ERICH1: variants seen among roughly 807,000 people sequenced by gnomAD.
ERICH1 encodes glutamate-rich protein 1.
Under a neutral mutation model 39.6 loss-of-function variants are expected in ERICH1, and 56 were observed. The observed-to-expected ratio is 1.41, with a 90% CI of 1.14 to 1.77. The LOEUF is 1.77. Ranked by LOEUF, ERICH1 falls within the 40% of genes most tolerant of loss-of-function variation. The probability of loss-of-function intolerance (pLI) is 0.00; values close to 1 mark genes in which losing one functional copy is unlikely to be tolerated. For synonymous variants in ERICH1, 313 were observed against 223.6 expected, an observed-to-expected ratio of 1.40 and a Z score of -3.57; for missense variants, 826 against 575.4, an observed-to-expected ratio of 1.44 and a Z score of -4.45.
At chr8:727,883 G>A (rs553600253) in intron 1 of ERICH1, among the ~76,000 whole-genome samples, 2 of 152,332 alleles carry the variant, frequency 1.3e-5, no homozygotes, top group Admixed American at 1.3e-4. Context: ...GAATGCAGGG[G>A]GCACTGTGGG....
At chr8:651,928 C>CT (rs1263116057) in intron 3 of ERICH1, among the ~76,000 whole-genome samples, 1 of 152,160 alleles carries the variant, frequency 6.6e-6, no homozygotes, top group Non-Finnish European at 1.5e-5. Context: ...TCACAGAATG[C>CT]TTGGTAATAA....
intron 2 of ERICH1, among the ~76,000 whole-genome samples, chr8:697,485 G>C (rs1244612372): frequency 6.6e-6 from 1 of 152,178 alleles, no homozygotes; most frequent in African/African-American, 2.4e-5. Context: ...AAAGAAGCTT[G>C]GCTCAGACTC....
chr8:684,013 CAT>C (rs1806749179), intron 3 of ERICH1, among the ~76,000 whole-genome samples: 1 of 152,176 alleles, frequency 6.6e-6, no homozygotes, highest in African/African-American at 2.4e-5. Context: ...TTCATGTTTA[CAT>C]GTTTGAGTCT....
At chr8:708,108 G>A (rs1179767028) in intron 2 of ERICH1, among the ~76,000 whole-genome samples, 1 of 148,386 alleles carries the variant, frequency 6.7e-6, no homozygotes, top group Non-Finnish European at 1.5e-5. Flanking sequence ...CTCCTAGGGT[G>A]GCTATTATCT....
chr8:691,382 T>C (rs1808871794), intron 3 of ERICH1, among the ~76,000 whole-genome samples: 1 of 152,250 alleles, frequency 6.6e-6, no homozygotes. Flanking sequence ...TGTTGGCTCA[T>C]GGCCAAGCGA....
At chr8:728,557 G>C (rs1169164169) in intron 1 of ERICH1, among the ~76,000 whole-genome samples, 2 of 152,154 alleles carry the variant, frequency 1.3e-5, no homozygotes, top group African/African-American at 4.8e-5. Context: ...TACCCTATAT[G>C]CCAGAAACAG....
intron 3 of ERICH1, among the ~76,000 whole-genome samples, chr8:643,434 T>C (rs1669714): frequency 0.38 from 57,838 of 151,988 alleles, 11,195 homozygotes; most frequent in South Asian, 0.46. Flanking sequence ...CATGGGATGC[T>C]CCATCCAGGG....
intron 2 of ERICH1, among the ~76,000 whole-genome samples, chr8:706,621 C>G (rs558398656): frequency 4.0e-5 from 6 of 151,828 alleles, no homozygotes; most frequent in African/African-American, 1.4e-4. Flanking sequence ...TAAAAAAATA[C>G]AAAAAAAATT....
chr8:707,456 C>A (rs1813571320), intron 2 of ERICH1, among the ~76,000 whole-genome samples: 1 of 152,122 alleles, frequency 6.6e-6, no homozygotes, highest in East Asian at 1.9e-4. Flanking sequence ...GATCCATCCA[C>A]CTCAGCCTCC....
chr8:699,839 GCGCACAGACCCGCACACGCGCACAGACC>G (rs1811385305), intron 2 of ERICH1, among the ~76,000 whole-genome samples: 1 of 105,228 alleles, frequency 9.5e-6, no homozygotes, highest in Admixed American at 1.1e-4. Flanking sequence ...ACCCGCACAG[GCGCACAGACCCGCACACGCGCACAGACC>G]CTCACAGGCG....
At chr8:724,834 T>C (rs1179053100) in intron 1 of ERICH1, among the ~76,000 whole-genome samples, 1 of 152,210 alleles carries the variant, frequency 6.6e-6, no homozygotes, top group Non-Finnish European at 1.5e-5. Context: ...TGAGGAACGC[T>C]ATCAAAGATG....
At chr8:711,475 T>G (rs1352538307) in intron 2 of ERICH1, among the ~76,000 whole-genome samples, 1 of 152,274 alleles carries the variant, frequency 6.6e-6, no homozygotes, top group African/African-American at 2.4e-5. Context: ...GTTTATAGTT[T>G]TGCATTTTAC....
At chr8:704,566 A>C (rs775361661) in intron 2 of ERICH1, among the ~76,000 whole-genome samples, 1 of 152,242 alleles carries the variant, frequency 6.6e-6, no homozygotes, top group Non-Finnish European at 1.5e-5. Context: ...TATGTGACTC[A>C]GCAAGAAACG....
In ERICH1 at chr8:730,433, C is replaced by G. The variant is rs368173267; in HGVS notation, c.22+707G>C. On this transcript the variant is annotated intron_variant, in intron 1 of 5. Coordinates refer to ENST00000262109, the MANE Select transcript of ERICH1 (RefSeq NM_207332.3). ...AAAATTCATCAGCGCCTGAATTAATCCAAGTAACACGAGATTCATGTCAAA... is the reference window on the plus strand; with the variant it reads ...AAAATTCATCAGCGCCTGAATTAATGCAAGTAACACGAGATTCATGTCAAA... 3.3e-4 allele frequency among the ~76,000 whole-genome samples: 51 copies of G among 152,268 alleles called. No individual in the cohort carries two copies. In the South Asian group the frequency reaches 4.1e-3, roughly 12 times the overall value.
At chr8:674,120 T>C in intron 3 of ERICH1, 73 bp from the exon 4 acceptor site, 1 of 1,455,460 alleles carries the variant, frequency 6.9e-7, no homozygotes, top group Non-Finnish European at 9.0e-7. Flanking sequence ...CTAAATAAAT[T>C]TTCCATCAGG....
chr8:654,428 C>T (rs139105206), intron 3 of ERICH1, among the ~76,000 whole-genome samples: 89 of 152,060 alleles, frequency 5.9e-4, no homozygotes, highest in African/African-American at 1.9e-3. Context: ...CGAGGGGCTA[C>T]GGTGCTGGGG....
intron 3 of ERICH1, among the ~76,000 whole-genome samples, chr8:616,806 G>C (rs1443737008): frequency 1.3e-5 from 1 of 78,572 alleles, no homozygotes; most frequent in Non-Finnish European, 2.3e-5. Flanking sequence ...GAAGAGAGGG[G>C]GGAGGAAGAG....
At chr8:704,818 G>C (rs551323149) in intron 2 of ERICH1, among the ~76,000 whole-genome samples, 19 of 152,154 alleles carry the variant, frequency 1.2e-4, no homozygotes, top group African/African-American at 2.4e-4. Flanking sequence ...ACTCTGAAAG[G>C]GGGGGTGGTT....
rs1476809204 is a variant in ERICH1 at position 716,019 on chromosome 8, A to G, written c.23-12T>C. On this transcript the variant is annotated splice_polypyrimidine_tract_variant and intron_variant, in intron 1 of 5. Coordinates refer to ENST00000262109, the MANE Select transcript of ERICH1 (RefSeq NM_207332.3). ...CTTCTCCACAAACACTGTACAGACA[A>G]CCGATTAAAAGAAAAGGAGGAAAAG... The G allele has an allele frequency of 8.9e-6, 14 of 1,580,170 alleles. No individual in the cohort carries two copies. The East Asian group carries it at 2.9e-4, about 33-fold the overall frequency.
Sources: allele counts gnomAD v4.1 joint callset (sites outside exome capture counted in the v4.1 genomes callset), GRCh38; gene constraint gnomAD v4.1.1; transcripts MANE v1.5; gene names NCBI Gene and HGNC (gene_info 2026-07-23, HGNC 2026-07-21).